The following BAD variants were observed in gnomAD, a reference collection of about 807,000 sequenced individuals.
BAD encodes the protein bcl2-associated agonist of cell death.
Under a neutral mutation model 17.8 loss-of-function variants are expected in BAD, and 18 were observed. The observed-to-expected ratio is 1.01, with a 90% CI of 0.70 to 1.50. The LOEUF (loss-of-function observed/expected upper bound fraction) is 1.50. Among genes scored for constraint, BAD ranks in the 40% most tolerant of loss-of-function variants. BAD has a pLI of 0.00. For synonymous variants in BAD, 112 were observed against 91.5 expected (o/e 1.22, Z -1.28); for missense variants, 294 against 239.3 (o/e 1.23, Z -1.51).
intron 2 of BAD, among the ~76,000 whole-genome samples, chr11:64,281,089 T>A (rs1273137790): frequency 1.3e-5 from 2 of 152,152 alleles, no homozygotes; most frequent in Non-Finnish European, 1.5e-5. Flanking sequence ...TGCCTCAGCC[T>A]CCAGAGTAGC....
chr11:64,270,431 G>C (rs1163958681), intron 3 of BAD, 94 bp from the exon 4 acceptor site: 9 of 1,427,518 alleles, frequency 6.3e-6, no homozygotes, highest in South Asian at 1.4e-5. Flanking sequence ...AAGTGAGATC[G>C]GGGGGGAGAT....
Position 64,270,296 on chromosome 11 carries a change from C to T in BAD, c.420G>A (p.Gln140=), listed in dbSNP as rs368322510. Residue 140 remains glutamine (Q), a synonymous_variant, in exon 4 of 4, where the codon CAG becomes CAA. Transcript: ENST00000309032. The part of the protein sequence containing the change: ...PRPKSAGTAT[Q]MRQSSSWTRV... ...GCGTCCAGCTGGAGCTTTGCCGCAT[C>T]TGCGTTGCTGTGCCCGCGCTCTTCG... is the stretch of plus-strand genomic sequence containing the variant. 45 of 1,579,830 alleles carry T rather than the reference C, an allele frequency of 2.8e-5. No individual in the cohort carries two copies. The highest frequency in any genetic ancestry group is 3.5e-5 in the Non-Finnish European group (41 of 1,157,234).
chr11:64,275,488 G>C (rs535834416), intron 2 of BAD, among the ~76,000 whole-genome samples: 1 of 152,080 alleles, frequency 6.6e-6, no homozygotes, highest in African/African-American at 2.4e-5. Flanking sequence ...TGCCAGGATC[G>C]CCATGACAAC....
chr11:64,276,277 T>C (rs1425688772), intron 2 of BAD: 5 of 58,024 alleles, frequency 8.6e-5, no homozygotes, highest in Admixed American at 1.4e-4. Flanking sequence ...CATATATTTA[T>C]GTGTGTGTGT....
Position 64,270,061 on chromosome 11 carries a change from C to G in BAD, c.*148G>C. ...AAGCCTTCCGTGGCTTCACACGCACCGGAAGGGAATCTGGGTCAGCCCTCC... is the reference window on the plus strand; with the variant it reads ...AAGCCTTCCGTGGCTTCACACGCACGGGAAGGGAATCTGGGTCAGCCCTCC... On this transcript the variant is annotated 3_prime_UTR_variant, in exon 4 of 4. Transcript: ENST00000309032. 1 of 1,392,478 alleles carries G rather than the reference C, an allele frequency of 7.2e-7. No individual in the cohort carries two copies. Among genetic ancestry groups the G allele is most frequent in the Non-Finnish European group, 9.9e-7 (1 of 1,013,756 alleles). The allele number at this position is 1,392,478 out of a possible 1,614,324, so 86.3% of individuals were successfully genotyped here.
intron 3 of BAD, 131 bp downstream of exon 3, chr11:64,271,482 A>G (rs1003724819): frequency 2.1e-6 from 2 of 948,422 alleles, no homozygotes; most frequent in Non-Finnish European, 2.9e-6. Context: ...TGGAGCTAGG[A>G]AGGAACAGGA....
chr11:64,271,901 C>T, intron 2 of BAD, 98 bp from the exon 3 acceptor site: 1 of 1,041,012 alleles, frequency 9.6e-7, no homozygotes, highest in Non-Finnish European at 1.2e-6. Context: ...CAGGCCCACT[C>T]GTGGGTCTTC....
At chr11:64,273,745 G>A (rs931404299) in intron 2 of BAD, among the ~76,000 whole-genome samples, 9 of 151,504 alleles carry the variant, frequency 5.9e-5, no homozygotes, top group South Asian at 2.1e-4. Flanking sequence ...AGCCAGGCGC[G>A]GTGGCAGGCA....
chr11:64,284,151 T>G (rs376887057), intron 2 of BAD, 31 bp downstream of exon 2: 5 of 1,540,324 alleles, frequency 3.2e-6, no homozygotes, highest in Non-Finnish European at 4.4e-6. Context: ...GGGTGAGGTG[T>G]CCCGGCAGGT....
chr11:64,284,133 T>G, intron 2 of BAD, 49 bp downstream of exon 2: 1 of 1,515,530 alleles, frequency 6.6e-7, no homozygotes, highest in Non-Finnish European at 8.8e-7. Flanking sequence ...AGGGAGCCAG[T>G]GGGCTGGGGG....
At chr11:64,276,715 G>A (rs2033092836) in intron 2 of BAD, 1 of 564,662 alleles carries the variant, frequency 1.8e-6, no homozygotes, top group African/African-American at 1.9e-5. Flanking sequence ...AGAGGGCTGG[G>A]GCAGGGCCTG....
At chr11:64,284,697 C>A (rs1479604453), upstream of BAD, 3 of 1,535,098 alleles carry the variant, frequency 2.0e-6, no homozygotes, top group East Asian at 7.3e-5. Context: ...GGGCTCCGGG[C>A]CCTAGTTGCT....
intron 2 of BAD, among the ~76,000 whole-genome samples, chr11:64,280,330 TAA>T (rs1189092062): frequency 2.5e-4 from 10 of 40,180 alleles, no homozygotes; most frequent in East Asian, 2.2e-3. Context: ...AAAAATAAAA[TAA>T]AATAATAATA....
intron 2 of BAD, 161 bp from the exon 3 acceptor site, chr11:64,271,964 C>A: frequency 2.1e-6 from 1 of 476,080 alleles, no homozygotes; most frequent in Non-Finnish European, 3.4e-6. Flanking sequence ...GTATGTGAAT[C>A]GAGGGGAAGC....
chr11:64,284,566 C>T, intron 1 of BAD, 65 bp downstream of exon 1: 4 of 1,494,386 alleles, frequency 2.7e-6, no homozygotes, highest in Non-Finnish European at 3.6e-6. Context: ...GGACCTCAGT[C>T]TCCCCTCAGA....
At chr11:64,272,701 TAGAG>T (rs752013664) in intron 2 of BAD, 1 of 152,238 alleles carries the variant, frequency 6.6e-6, no homozygotes, top group Non-Finnish European at 1.5e-5. Context: ...GACAGAAGCT[TAGAG>T]AGTTAAGACT....
intron 2 of BAD, among the ~76,000 whole-genome samples, chr11:64,272,173 G>A (rs1426938507): frequency 6.6e-6 from 1 of 152,124 alleles, no homozygotes; most frequent in Non-Finnish European, 1.5e-5. Context: ...ACAAAAATTA[G>A]CTGGGCATAG....
Position 64,270,266 on chromosome 11 carries a change from G to T in BAD, c.450C>A (p.Val150=). ...AGTTCCGATCCCACCAGGACTGGAA[G>T]ACTCGCGTCCAGCTGGAGCTTTGCC... The part of the protein sequence containing the change: ...QMRQSSSWTR[V]FQSWWDRNLG... The change falls in exon 4 of 4, where the codon GTC becomes GTA. Residue 150 remains valine, a synonymous_variant. Transcript: ENST00000309032. 3 of 1,596,716 alleles carry T rather than the reference G, an allele frequency of 1.9e-6. No individual in the cohort carries two copies. Among genetic ancestry groups the T allele is most frequent in the Non-Finnish European group, 2.6e-6 (3 of 1,167,336 alleles).
intron 2 of BAD, among the ~76,000 whole-genome samples, chr11:64,280,597 C>T (rs1429587504): frequency 4.0e-5 from 6 of 151,122 alleles, no homozygotes; most frequent in Admixed American, 6.6e-5. Context: ...GTGATCCGCC[C>T]GCCTCGGCCT....
Sources: allele counts gnomAD v4.1 joint callset (sites outside exome capture counted in the v4.1 genomes callset), GRCh38; gene constraint gnomAD v4.1.1; transcripts MANE v1.5; gene names NCBI Gene and HGNC (gene_info 2026-07-23, HGNC 2026-07-21).